The following RNF40 variants were observed in gnomAD, a reference collection of about 807,000 sequenced individuals.
RNF40 encodes ring finger protein 40.
A neutral mutation model predicts 123.3 loss-of-function variants in RNF40; 39 were observed. The ratio of observed to expected loss-of-function variants is 0.32; its 90% CI spans 0.24 to 0.41. The LOEUF (loss-of-function observed/expected upper bound fraction) is 0.41. Among genes scored for constraint, RNF40 ranks in the 10% least tolerant of loss-of-function variants. The probability of loss-of-function intolerance (pLI) is 1.00; values close to 1 mark genes in which losing one functional copy is unlikely to be tolerated. For synonymous variants in RNF40, 538 were observed against 526.0 expected (o/e 1.02, Z -0.31); for missense variants, 1,003 against 1,319.9 (o/e 0.76, Z 3.72).
In RNF40 at chr16:30,766,570, G is replaced by A. The variant is rs376933347; in HGVS notation, c.1293+12G>A. On this transcript the variant is annotated intron_variant, in intron 10 of 19. Transcript: ENST00000324685. The surrounding 1 kb of genome is among the most constrained non-coding windows in gnomAD (Gnocchi z 5.4). ...TCGAGCACATGGAGGTATGGCCCTG[G>A]AACAGGCGTTAGGGCTGGGCTAAGG... 1.6e-5 allele frequency: 25 copies of A among 1,602,374 alleles called. No individual in the cohort carries two copies. The highest frequency in any genetic ancestry group is 2.0e-5 in the Non-Finnish European group (24 of 1,173,078).
In RNF40 at chr16:30,768,801, G is replaced by A; in HGVS notation, c.2098-37G>A. The A allele has an allele frequency of 1.9e-6, 3 of 1,614,128 alleles. No homozygotes were observed. The highest frequency in any genetic ancestry group is 2.5e-6 in the Non-Finnish European group (3 of 1,180,022). ...GAGCAGAGTCCTAGCTCAGCAGGAAGCAGTGTCAAGAGAGTTTCTTCTTCC... is the reference window on the plus strand; with the variant it reads ...GAGCAGAGTCCTAGCTCAGCAGGAAACAGTGTCAAGAGAGTTTCTTCTTCC... On this transcript the variant is annotated intron_variant, in intron 14 of 19. Transcript: ENST00000324685. This position sits in a 1 kb window ranked among gnomAD's most constrained non-coding sequence, Gnocchi z 4.1.
At chr16:30,771,807 C>T (rs2054152876) in intron 17 of RNF40, 26 bp from the exon 18 acceptor site, 4 of 1,535,116 alleles carry the variant, frequency 2.6e-6, no homozygotes, top group Non-Finnish European at 8.8e-7. Context: ...CAGACCAGTG[C>T]CTCCTTCCTG....
chr16:30,772,008 T>C, intron 18 of RNF40, 35 bp downstream of exon 18: 2 of 1,586,080 alleles, frequency 1.3e-6, no homozygotes, highest in South Asian at 1.1e-5. Context: ...GCCAGGGTGG[T>C]CCACGGTCAC....
At chr16:30,771,237 G>A (rs749843896) in intron 17 of RNF40, among the ~76,000 whole-genome samples, 5 of 152,174 alleles carry the variant, frequency 3.3e-5, no homozygotes, top group Admixed American at 3.3e-4. Flanking sequence ...CTTTTAGGAG[G>A]TGACACTTGA....
rs1272783354 is a variant in RNF40 at position 30,768,255 on chromosome 16, T to TGGC, written c.1705_1707dup (p.Gly569dup). ...ACAGAAAGGAGATGGCTCCAGTGCC[T>TGGC]GGCACCACCACTACTACCACTTCAG... On this transcript the variant is annotated inframe_insertion, in exon 13 of 20. Transcript: ENST00000324685. This position sits in a 1 kb window ranked among gnomAD's most constrained non-coding sequence, Gnocchi z 4.1. The TGGC allele has an allele frequency of 7.4e-6, 12 of 1,613,794 alleles. No individual in the cohort carries two copies. Among genetic ancestry groups the TGGC allele is most frequent in the Middle Eastern group, 1.6e-4 (1 of 6,084 alleles).
chr16:30,767,499 TAA>T (rs879532090), intron 11 of RNF40, among the ~76,000 whole-genome samples: 1 of 137,544 alleles, frequency 7.3e-6, no homozygotes, highest in African/African-American at 2.7e-5. Context: ...ATTGGATGTA[TAA>T]AAAAAAAAAA....
At chr16:30,773,862 G>A in intron 19 of RNF40, 76 bp from the exon 20 acceptor site, 1 of 1,482,284 alleles carries the variant, frequency 6.7e-7, no homozygotes. Context: ...GGCTTGGCCT[G>A]GACTCCTCCT....
chr16:30,768,385 C>T lies in RNF40; in HGVS notation c.1834C>T (p.Arg612Trp), dbSNP rs762054978. 6.2e-6 allele frequency: 10 copies of T among 1,613,518 alleles called. No homozygotes were observed. The highest frequency in any genetic ancestry group is 5.5e-5 in the South Asian group (5 of 91,058). ...RGREPEARPK[R>W]ELREREGPSL... The stretch of plus-strand genomic sequence containing the variant: ...CCGAGAACCTGAGGCCAGGCCCAAG[C>T]GGGAGCTTCGGGAACGGGAAGGTCC... Residue 612 changes from arginine to tryptophan, a missense_variant, in exon 13 of 20, where the codon CGG becomes TGG. Coordinates refer to ENST00000324685, the MANE Select transcript of RNF40 (RefSeq NM_014771.4). The surrounding 1 kb of genome is among the most constrained non-coding windows in gnomAD (Gnocchi z 4.1).
chr16:30,769,972 G>A (rs554419486), intron 17 of RNF40, among the ~76,000 whole-genome samples: 11 of 152,054 alleles, frequency 7.2e-5, no homozygotes, highest in African/African-American at 1.9e-4. Flanking sequence ...GCTGGTGCAC[G>A]CCTGTAGTCC....
chr16:30,772,011 A>G (rs1446016283), intron 18 of RNF40, 38 bp downstream of exon 18: 2 of 1,584,878 alleles, frequency 1.3e-6, no homozygotes, highest in Non-Finnish European at 1.7e-6. Context: ...AGGGTGGTCC[A>G]CGGTCACGGA....
chr16:30,764,365 G>A lies in RNF40; in HGVS notation c.629G>A (p.Cys210Tyr). ...CTACAGCGCCGGGTGGAGGAACTCT[G>A]TCAGCGAGTGTACAGCCGAGGTGGG... ...DRLQRRVEEL[C>Y]QRVYSRGDSE... The change falls in exon 5 of 20, where the codon TGT (cysteine) becomes TAT (tyrosine). Residue 210 changes from cysteine to tyrosine, a missense_variant. Cys to Tyr is a radical substitution (Grantham distance 194). This residue lies in a region of RNF40 where 274 missense variants were observed against 356.9 expected (regional missense o/e 0.77). Coordinates refer to ENST00000324685, the MANE Select transcript of RNF40 (RefSeq NM_014771.4). 1 of 1,613,306 alleles carries A rather than the reference G, an allele frequency of 6.2e-7. No homozygotes were observed. The highest frequency in any genetic ancestry group is 1.3e-5 in the African/African-American group (1 of 75,036).
chr16:30,766,071 G>A lies in RNF40; in HGVS notation c.994-92G>A. Reference sequence around the variant, plus strand: ...CAGAATCGATCATTGCCCTGCACGGGGTGCTTGGGGTGGAGTGTATGCTGG... The same window carrying A: ...CAGAATCGATCATTGCCCTGCACGGAGTGCTTGGGGTGGAGTGTATGCTGG... On this transcript the variant is annotated intron_variant, in intron 8 of 19. Transcript: ENST00000324685. The surrounding 1 kb of genome is among the most constrained non-coding windows in gnomAD (Gnocchi z 5.4). The A allele has an allele frequency of 6.4e-7, 1 of 1,566,300 alleles. No homozygotes were observed. The highest frequency in any genetic ancestry group is 2.3e-5 in the East Asian group (1 of 44,352).
Position 30,762,365 on chromosome 16 carries a change from G to A in RNF40, c.-72+5G>A. On this transcript the variant is annotated splice_donor_5th_base_variant and intron_variant, in intron 1 of 19. Coordinates refer to ENST00000324685, the MANE Select transcript of RNF40 (RefSeq NM_014771.4). ...GCTAGGCTGACCCTCCTGCTGGTGAGGGCTCTGGCGCCGGGGGGGACGGGA... is the reference window on the plus strand; with the variant it reads ...GCTAGGCTGACCCTCCTGCTGGTGAAGGCTCTGGCGCCGGGGGGGACGGGA... 1 of 612,570 alleles carries A rather than the reference G, an allele frequency of 1.6e-6. No homozygotes were observed. The highest frequency in any genetic ancestry group is 2.6e-6 in the Non-Finnish European group (1 of 380,140). The allele number at this position is 612,570 out of a possible 1,614,324, so 37.9% of individuals were successfully genotyped here.
chr16:30,765,642 A>T (rs2054014298), intron 8 of RNF40, 143 bp downstream of exon 8: 1 of 732,246 alleles, frequency 1.4e-6, no homozygotes, highest in African/African-American at 1.8e-5. Context: ...GCATTCATAT[A>T]CTTGTTGAGT....
rs1395758893 is a variant in RNF40, at chr16:30,768,492, G to A, written c.1941G>A (p.Lys647=). 3 of 1,609,678 alleles carry A rather than the reference G, an allele frequency of 1.9e-6. No homozygotes were observed. The highest frequency in any genetic ancestry group is 2.5e-6 in the Non-Finnish European group (3 of 1,177,520). The change falls in exon 13 of 20, where the codon AAG becomes AAA. Residue 647 remains lysine (K), a synonymous_variant. Coordinates refer to ENST00000324685, the MANE Select transcript of RNF40 (RefSeq NM_014771.4). The surrounding 1 kb of genome is among the most constrained non-coding windows in gnomAD (Gnocchi z 4.1). ...EKAKVEETKR[K]ESELLKGLRA... The stretch of plus-strand genomic sequence containing the variant: ...CCAAGGTGGAAGAAACCAAGCGGAA[G>A]GAATCAGAACTCCTCAAGGGTCTCC...
chr16:30,772,044 C>A (rs750056452), intron 18 of RNF40, 45 bp from the exon 19 acceptor site: 1 of 1,583,342 alleles, frequency 6.3e-7, no homozygotes, highest in East Asian at 2.3e-5. Context: ...GCAAGCGGCT[C>A]AAGGTTGAGG....
At position 30,774,213 on chromosome 16, in the gene RNF40, A is replaced by C; in HGVS notation, c.*99A>C. On this transcript the variant is annotated 3_prime_UTR_variant, in exon 20 of 20. Coordinates refer to ENST00000324685, the MANE Select transcript of RNF40 (RefSeq NM_014771.4). Reference sequence around the variant, plus strand: ...CTAGTGGCCCCACCCTCCATTCCGGACCCCATGGGCCCAGCCCCTGCCCAT... The same window carrying C: ...CTAGTGGCCCCACCCTCCATTCCGGCCCCCATGGGCCCAGCCCCTGCCCAT... The C allele has an allele frequency of 2.3e-6, 3 of 1,290,950 alleles. No homozygotes were observed. Among genetic ancestry groups the C allele is most frequent in the South Asian group, 1.5e-5 (1 of 66,418 alleles). The allele number at this position is 1,290,950 out of a possible 1,614,324, so 80.0% of individuals were successfully genotyped here.
At chr16:30,771,778 A>C (rs2054152085) in intron 17 of RNF40, 55 bp from the exon 18 acceptor site, 2 of 1,507,092 alleles carry the variant, frequency 1.3e-6, no homozygotes, top group Non-Finnish European at 1.8e-6. Context: ...GTGACTCCAC[A>C]TGCCTGAGTC....
At position 30,766,897 on chromosome 16, in the gene RNF40, G is replaced by A. The variant is rs193267057; in HGVS notation, c.1429+21G>A. 68 of 1,609,540 alleles carry A rather than the reference G, an allele frequency of 4.2e-5. 1 individual carries two copies. The East Asian group carries it at 6.7e-4, about 16-fold the overall frequency. ...GGCGGGTATGTGGTGAGGATAGGGC[G>A]GAGGTGGGGCCTTATCTGGGAGTGC... On this transcript the variant is annotated intron_variant, in intron 11 of 19. Transcript: ENST00000324685. The surrounding 1 kb of genome is among the most constrained non-coding windows in gnomAD (Gnocchi z 5.4).
Sources: gnomAD v4.1 joint callset for allele counts (sites outside exome capture counted in the v4.1 genomes callset) on GRCh38, gnomAD v4.1.1 for gene constraint, gnomAD v4.1.1 regional missense constraint, Gnocchi (gnomAD v3.1) non-coding constraint, MANE v1.5 for transcripts, NCBI Gene and HGNC (gene_info 2026-07-23, HGNC 2026-07-21) for gene names.